Variants in ZC3H12B observed in about 807,000 individuals in gnomAD.
ZC3H12B encodes zinc finger CCCH-type containing 12B, also known as probable ribonuclease ZC3H12B.
ZC3H12B carries 7 observed loss-of-function variants against 43.9 expected under a neutral mutation model. The observed-to-expected ratio is 0.16, with a 90% CI of 0.09 to 0.30. ZC3H12B has a LOEUF of 0.30. ZC3H12B is among the 10% of genes least tolerant of loss of function. The pLI is 1.00. For missense variants in ZC3H12B, 475 were observed against 670.2 expected (o/e 0.71, Z 3.22); for synonymous variants, 222 against 241.7 (o/e 0.92, Z 0.76).
chrX:65,241,799 G>A, the ZC3H12B span, among the ~76,000 whole-genome samples: 7 of 111,683 alleles, frequency 6.3e-5, no homozygotes, highest in Admixed American at 1.9e-4. Flanking sequence ...TACCATGGAG[G>A]TGGGGCCTAC....
At chrX:65,125,350 A>T in the ZC3H12B span, among the ~76,000 whole-genome samples, 1 of 111,645 alleles carries the variant, frequency 9.0e-6, no homozygotes, top group African/African-American at 3.2e-5. Flanking sequence ...ACTGTGTTCT[A>T]AGAGAGTTCT....
the ZC3H12B span, among the ~76,000 whole-genome samples, chrX:65,081,626 A>G: frequency 8.9e-6 from 1 of 112,032 alleles, no homozygotes; most frequent in African/African-American, 3.2e-5. Context: ...GCATCCAGGT[A>G]TATAAAGCAA....
At chrX:65,314,827 G>A in the ZC3H12B span, among the ~76,000 whole-genome samples, 1 of 110,647 alleles carries the variant, frequency 9.0e-6, no homozygotes, top group African/African-American at 3.3e-5. Context: ...TTTTGTGTAT[G>A]TAGACATAAG....
the ZC3H12B span, among the ~76,000 whole-genome samples, chrX:65,344,707 A>C: frequency 8.9e-6 from 1 of 112,596 alleles, no homozygotes; most frequent in African/African-American, 3.2e-5. Context: ...TGAAAGCAAA[A>C]ACTGAAAACT....
the ZC3H12B span, among the ~76,000 whole-genome samples, chrX:65,125,303 G>C: frequency 5.4e-5 from 6 of 111,542 alleles, no homozygotes; most frequent in Non-Finnish European, 1.1e-4. Flanking sequence ...GCATGGTTTT[G>C]GAAGTTCCTT....
chrX:65,113,515 G>T, the ZC3H12B span, among the ~76,000 whole-genome samples: 1 of 109,035 alleles, frequency 9.2e-6, no homozygotes, highest in African/African-American at 3.4e-5. Flanking sequence ...AGTGAGCCAT[G>T]ATTACACCAC....
chrX:65,133,093 G>C, the ZC3H12B span, among the ~76,000 whole-genome samples: 3 of 111,510 alleles, frequency 2.7e-5, no homozygotes, highest in African/African-American at 9.8e-5. Flanking sequence ...TCTGGCACTT[G>C]AAGCAAGATC....
At chrX:65,066,315 G>C in the ZC3H12B span, among the ~76,000 whole-genome samples, 16 of 111,140 alleles carry the variant, frequency 1.4e-4, no homozygotes, top group Admixed American at 6.7e-4. Context: ...ATGACCTTTG[G>C]ATGGGTTTTT....
the ZC3H12B span, among the ~76,000 whole-genome samples, chrX:65,246,032 A>G: frequency 8.9e-6 from 1 of 112,206 alleles, no homozygotes; most frequent in African/African-American, 3.2e-5. Flanking sequence ...TTCTCCCAAA[A>G]GGTACTTAAG....
intron 3 of ZC3H12B, among the ~76,000 whole-genome samples, chrX:65,402,269 C>A (rs2066772370): frequency 9.0e-6 from 1 of 111,693 alleles, no homozygotes; most frequent in Non-Finnish European, 1.9e-5. Flanking sequence ...AACTGTGTGT[C>A]ATGGTTTCAG....
the ZC3H12B span, among the ~76,000 whole-genome samples, chrX:65,122,967 A>G: frequency 4.5e-5 from 5 of 112,041 alleles, no homozygotes; most frequent in East Asian, 5.7e-4. Flanking sequence ...TCAACATTAG[A>G]CAGATCAACA....
At chrX:65,058,605 TCAGA>T in the ZC3H12B span, among the ~76,000 whole-genome samples, 1 of 112,037 alleles carries the variant, frequency 8.9e-6, no homozygotes, top group Non-Finnish European at 1.9e-5. Context: ...TTCCAAGCTG[TCAGA>T]CAGGGACATT....
At chrX:65,131,834 C>T in the ZC3H12B span, among the ~76,000 whole-genome samples, 1 of 111,172 alleles carries the variant, frequency 9.0e-6, no homozygotes, top group East Asian at 2.8e-4. Flanking sequence ...AGGGGGATAC[C>T]CGATATCCCT....
chrX:65,275,254 G>T, the ZC3H12B span, among the ~76,000 whole-genome samples: 1 of 112,639 alleles, frequency 8.9e-6, no homozygotes, highest in Non-Finnish European at 1.9e-5. Flanking sequence ...CATGTTCCAA[G>T]CCAGAGAAAC....
At chrX:65,300,858 C>T in the ZC3H12B span, among the ~76,000 whole-genome samples, 1 of 111,166 alleles carries the variant, frequency 9.0e-6, no homozygotes, top group Non-Finnish European at 1.9e-5. Flanking sequence ...AACTAAAAAG[C>T]TTATACACAG....
At chrX:65,269,952 A>T in the ZC3H12B span, among the ~76,000 whole-genome samples, 2 of 112,101 alleles carry the variant, frequency 1.8e-5, no homozygotes, top group Non-Finnish European at 3.8e-5. Flanking sequence ...TAAAATGTTC[A>T]TATTACCCAA....
chrX:65,451,767 G>C (rs1216778995), intron 3 of ZC3H12B, among the ~76,000 whole-genome samples: 1 of 111,898 alleles, frequency 8.9e-6, no homozygotes, highest in Non-Finnish European at 1.9e-5. Context: ...CACATTTTTA[G>C]AAGAGATACA....
intron 2 of ZC3H12B, among the ~76,000 whole-genome samples, chrX:65,387,328 G>A (rs1420495821): frequency 8.9e-6 from 1 of 111,926 alleles, no homozygotes; most frequent in African/African-American, 3.3e-5. Flanking sequence ...GGGTGCTCCT[G>A]TGTTGGGTGC....
chrX:65,456,518 C>T (rs1240468108), intron 3 of ZC3H12B, among the ~76,000 whole-genome samples: 1 of 101,489 alleles, frequency 9.9e-6, no homozygotes, highest in African/African-American at 3.6e-5. Context: ...GCTGCCATCT[C>T]GGCTCACTGC....
Sources: gnomAD v4.1 joint callset for allele counts (sites outside exome capture counted in the v4.1 genomes callset) on GRCh38, gnomAD v4.1.1 for gene constraint, MANE v1.5 for transcripts, NCBI Gene and HGNC (gene_info 2026-07-23, HGNC 2026-07-21) for gene names.